MARK3: variants seen among roughly 807,000 people sequenced by gnomAD.
MARK3 encodes the protein MAP/microtubule affinity-regulating kinase 3.
A neutral mutation model predicts 90.1 loss-of-function variants in MARK3; 46 were observed. The observed-to-expected ratio is 0.51, with a 90% CI of 0.40 to 0.65. MARK3 has a LOEUF of 0.65. MARK3 is among the 30% of genes least tolerant of loss of function. The pLI is 0.00. For missense variants in MARK3, 818 were observed against 947.2 expected (o/e 0.86, Z 1.79); for synonymous variants, 321 against 332.6 (o/e 0.97, Z 0.38).
chr14:103,420,480 C>T (rs894774553), intron 2 of MARK3, among the ~76,000 whole-genome samples: 1 of 152,208 alleles, frequency 6.6e-6, no homozygotes, highest in Non-Finnish European at 1.5e-5. Context: ...ATCCTTCTGC[C>T]TGGGCCTCCC....
At chr14:103,394,043 T>G (rs1243813062) in intron 1 of MARK3, among the ~76,000 whole-genome samples, 1 of 152,184 alleles carries the variant, frequency 6.6e-6, no homozygotes, top group African/African-American at 2.4e-5. Flanking sequence ...CTGCATTTTA[T>G]TATTCTAAGA....
intron 1 of MARK3, among the ~76,000 whole-genome samples, chr14:103,404,400 T>C (rs746119575): frequency 1.5e-4 from 23 of 152,216 alleles, no homozygotes; most frequent in Non-Finnish European, 2.5e-4. Context: ...GGAGCAGTAG[T>C]AGCAGGATGC....
Position 103,468,017 on chromosome 14 carries a change from T to C in MARK3, c.1111-16T>C. 2 of 1,609,972 alleles carry C rather than the reference T, an allele frequency of 1.2e-6. No individual in the cohort carries two copies. The highest frequency in any genetic ancestry group is 1.7e-6 in the Non-Finnish European group (2 of 1,178,712). On this transcript the variant is annotated splice_polypyrimidine_tract_variant and intron_variant, in intron 11 of 17. Transcript: ENST00000429436. Reference sequence around the variant, plus strand: ...TTCGTGTTGTGGTTTGCTCTGTTTTTCTCATTTTCTCTTAGCTGGATGCTA... The same window carrying C: ...TTCGTGTTGTGGTTTGCTCTGTTTTCCTCATTTTCTCTTAGCTGGATGCTA...
rs1260096446 is a variant in MARK3, at chr14:103,385,866, C to T, written c.-164C>T. ...GCCCCGGGACCCGCCGGGGGACGGC[C>T]CGGGCCAGGCCCGGGATCTAGACGG... is the stretch of plus-strand genomic sequence containing the variant. On this transcript the variant is annotated 5_prime_UTR_variant, in exon 1 of 18. Transcript: ENST00000429436. 1 of 582,908 alleles carries T rather than the reference C, an allele frequency of 1.7e-6. No individual in the cohort carries two copies. The highest frequency in any genetic ancestry group is 3.0e-6 in the Non-Finnish European group (1 of 328,926). 36.1% of individuals were successfully genotyped at this position (582,908 alleles called of 1,614,324 possible).
At chr14:103,411,951 C>CT (rs56292310) in intron 2 of MARK3, among the ~76,000 whole-genome samples, 55,853 of 143,032 alleles carry the variant, frequency 0.39, 12,258 homozygotes, top group African/African-American at 0.59. Context: ...ATTTTCATAG[C>CT]TTTTTTTTTT....
In MARK3 at chr14:103,503,266, GTT is replaced by G. The variant is rs1391860976; in HGVS notation, c.*42_*43del. On this transcript the variant is annotated 3_prime_UTR_variant, in exon 18 of 18. Transcript: ENST00000429436. ...ATGTAAATTAAGTAGCAATTAAAGT[GTT>G]TTCCTGAACACTGATGGAAATGTAT... The G allele has an allele frequency of 6.7e-7, 1 of 1,497,852 alleles. No individual in the cohort carries two copies. Among genetic ancestry groups the G allele is most frequent in the Non-Finnish European group, 9.2e-7 (1 of 1,089,876 alleles). 92.8% of individuals were successfully genotyped at this position (1,497,852 alleles called of 1,614,324 possible).
chr14:103,490,072 C>G (rs1244851569), intron 14 of MARK3: 1 of 152,514 alleles, frequency 6.6e-6, no homozygotes, highest in East Asian at 1.9e-4. Context: ...AATCCCAACA[C>G]TTTGGGAGGC....
chr14:103,461,834 C>T (rs1336024193), intron 6 of MARK3, among the ~76,000 whole-genome samples: 1 of 151,998 alleles, frequency 6.6e-6, no homozygotes, highest in Admixed American at 6.6e-5. Flanking sequence ...GTCAGGAGTT[C>T]GAGACCAGCC....
At chr14:103,443,296 C>T (rs990956241) in intron 3 of MARK3, among the ~76,000 whole-genome samples, 1 of 152,214 alleles carries the variant, frequency 6.6e-6, no homozygotes, top group African/African-American at 2.4e-5. Context: ...TGCCTCTGTT[C>T]AGCTGTTCCA....
At chr14:103,450,149 T>C (rs2093096949) in intron 4 of MARK3, among the ~76,000 whole-genome samples, 1 of 151,688 alleles carries the variant, frequency 6.6e-6, no homozygotes, top group South Asian at 2.1e-4. Flanking sequence ...TTAATTAAAA[T>C]GTGAAAAAAA....
intron 2 of MARK3, chr14:103,417,394 G>A (rs991060647): frequency 6.6e-6 from 1 of 152,178 alleles, no homozygotes; most frequent in South Asian, 2.1e-4. Flanking sequence ...TTAAAGAATG[G>A]GAAGCTCAAA....
In MARK3 at chr14:103,420,412, A is replaced by G. The variant is rs576063678; in HGVS notation, c.244-7975A>G. On this transcript the variant is annotated intron_variant, in intron 2 of 17. Coordinates refer to ENST00000429436, the MANE Select transcript of MARK3 (RefSeq NM_001128918.3). ...ATCCGGCTGATTTTTTGTATTTTCT[A>G]CAGAGACAAAGCATCCCCATGTTGC... 3.3e-5 allele frequency among the ~76,000 whole-genome samples: 5 copies of G among 151,872 alleles called. No individual in the cohort carries two copies. In the East Asian group the frequency reaches 9.7e-4, roughly 29 times the overall value.
intron 14 of MARK3, among the ~76,000 whole-genome samples, chr14:103,486,805 G>A (rs932237768): frequency 2.6e-5 from 4 of 151,998 alleles, no homozygotes; most frequent in South Asian, 2.1e-4. Context: ...CAGAAAAATC[G>A]GAAATATTTT....
intron 1 of MARK3, among the ~76,000 whole-genome samples, chr14:103,399,502 G>A (rs2090803551): frequency 6.6e-6 from 1 of 151,982 alleles, no homozygotes; most frequent in African/African-American, 2.4e-5. Context: ...GAGGTCAGGA[G>A]ATCGAGACCA....
At chr14:103,479,526 T>TC (rs2093778880) in intron 13 of MARK3, among the ~76,000 whole-genome samples, 1 of 151,982 alleles carries the variant, frequency 6.6e-6, no homozygotes, top group African/African-American at 2.4e-5. Context: ...TTTAAAGCTT[T>TC]CCTAGCAGGT....
intron 2 of MARK3, among the ~76,000 whole-genome samples, chr14:103,407,655 G>A (rs2091393864): frequency 7.2e-6 from 1 of 139,148 alleles, no homozygotes; most frequent in African/African-American, 2.6e-5. Context: ...CCGCCTCCTG[G>A]GTTCAAGCAA....
intron 7 of MARK3, among the ~76,000 whole-genome samples, chr14:103,464,533 C>T (rs947686496): frequency 1.3e-5 from 2 of 151,886 alleles, no homozygotes; most frequent in Non-Finnish European, 2.9e-5. Context: ...CTCCTGACCT[C>T]AGGTGATCCA....
chr14:103,396,013 C>T (rs976514793), intron 1 of MARK3, among the ~76,000 whole-genome samples: 4 of 152,138 alleles, frequency 2.6e-5, no homozygotes, highest in Non-Finnish European at 5.9e-5. Flanking sequence ...GGAGCTGAGT[C>T]GGGAGAGGGC....
intron 2 of MARK3, among the ~76,000 whole-genome samples, chr14:103,409,844 G>A (rs1017332049): frequency 6.6e-6 from 1 of 152,070 alleles, no homozygotes; most frequent in Non-Finnish European, 1.5e-5. Flanking sequence ...TGGGCATTAG[G>A]GTTGTTTCTA....
Sources: allele counts gnomAD v4.1 joint callset (sites outside exome capture counted in the v4.1 genomes callset), GRCh38; gene constraint gnomAD v4.1.1; transcripts MANE v1.5; gene names NCBI Gene and HGNC (gene_info 2026-07-23, HGNC 2026-07-21).